Variants in IDH2 observed in about 807,000 individuals in gnomAD.
IDH2 encodes isocitrate dehydrogenase [NADP], mitochondrial.
Under a neutral mutation model 50.5 loss-of-function variants are expected in IDH2, and 18 were observed. The observed-to-expected ratio is 0.36, with a 90% CI of 0.25 to 0.53. The LOEUF (loss-of-function observed/expected upper bound fraction) is 0.53. Among genes scored for constraint, IDH2 ranks in the 20% least tolerant of loss-of-function variants. The pLI is 0.92. For missense variants in IDH2, 518 were observed against 610.7 expected (o/e 0.85, Z 1.60); for synonymous variants, 280 against 239.8 (o/e 1.17, Z -1.55).
At chr15:90,091,697 C>T (rs1481784970) in intron 1 of IDH2, 53 bp from the exon 2 acceptor site, 3 of 1,457,376 alleles carry the variant, frequency 2.1e-6, no homozygotes, top group African/African-American at 1.4e-5. Flanking sequence ...TGGAGGGGGG[C>T]CCTCTCCTCC....
In IDH2 at chr15:90,098,547, T is replaced by C. The variant is rs74550461; in HGVS notation, c.115+3729A>G. Reference sequence around the variant, plus strand: ...GTATGCATGCATGTATGTATGTATGTATGTATGTATGTATTGAGACAGAGT... The same window carrying C: ...GTATGCATGCATGTATGTATGTATGCATGTATGTATGTATTGAGACAGAGT... On this transcript the variant is annotated intron_variant, in intron 1 of 10. Coordinates refer to ENST00000330062, the MANE Select transcript of IDH2 (RefSeq NM_002168.4). The surrounding 1 kb of genome is among the most constrained non-coding windows in gnomAD (Gnocchi z 5.1). 3.9e-5 allele frequency among the ~76,000 whole-genome samples: 1 copy of C among 25,516 alleles called. No homozygotes were observed. The highest frequency in any genetic ancestry group is 5.9e-4 in the Admixed American group (1 of 1,694). The allele number at this position is 25,516 out of a possible 152,430, so 16.7% of individuals were successfully genotyped here. A position where few individuals can be genotyped will look rare whatever the true frequency, so the allele number is the denominator to read the frequency against.
intron 2 of IDH2, 65 bp from the exon 3 acceptor site, chr15:90,090,709 G>A: frequency 6.5e-7 from 1 of 1,547,882 alleles, no homozygotes; most frequent in Non-Finnish European, 8.9e-7. Context: ...ACAAAGGGCA[G>A]GATAAGAAGT....
rs1201298973 is a variant in IDH2 at position 90,083,081 on chromosome 15, T to C, written c.*1185A>G. ...TGTAGCTTTAGAGCAACTTTTATTT[T>C]TCCTTTTTACATGGGGCTAAAAAAC... On this transcript the variant is annotated 3_prime_UTR_variant, in exon 11 of 11. Coordinates refer to ENST00000330062, the MANE Select transcript of IDH2 (RefSeq NM_002168.4). 6.6e-6 allele frequency: 1 copy of C among 152,026 alleles called. No homozygotes were observed. The highest frequency in any genetic ancestry group is 1.5e-5 in the Non-Finnish European group (1 of 68,078). The allele number at this position is 152,026 out of a possible 1,614,324, so 9.4% of individuals were successfully genotyped here.
Position 90,100,689 on chromosome 15 carries a change from T to C in IDH2, c.115+1587A>G, listed in dbSNP as rs1292456169. 2.0e-6 allele frequency: 2 copies of C among 979,672 alleles called. No individual in the cohort carries two copies. The highest frequency in any genetic ancestry group is 1.1e-4 in the East Asian group (1 of 8,802). 60.7% of individuals were successfully genotyped at this position (979,672 alleles called of 1,614,324 possible). ...GGGCTCTTTTAGCCCCAAAATATTC[T>C]TTCCTTGTCATCAAGGGGAATGCCA... On this transcript the variant is annotated intron_variant, in intron 1 of 10. Coordinates refer to ENST00000330062, the MANE Select transcript of IDH2 (RefSeq NM_002168.4). The surrounding 1 kb of genome is among the most constrained non-coding windows in gnomAD (Gnocchi z 4.1).
chr15:90,087,501 C>T lies in IDH2; in HGVS notation c.753G>A (p.Lys251=), dbSNP rs1458791406. Residue 251 remains lysine (K), a synonymous_variant, in exon 6 of 11, where the codon AAG becomes AAA. Transcript: ENST00000330062. ...QKKWPLYMST[K]NTILKAYDGR... ...CATCGTAGGCTTTCAGTATGGTGTT[C>T]TTGGTGCTCATGTACAGCGGCCATT... The T allele has an allele frequency of 6.8e-6, 11 of 1,614,196 alleles. 1 individual carries two copies. The Admixed American group carries it at 1.8e-4, about 27-fold the overall frequency.
At chr15:90,093,620 T>G (rs1901105751) in intron 1 of IDH2, among the ~76,000 whole-genome samples, 1 of 151,862 alleles carries the variant, frequency 6.6e-6, no homozygotes, top group African/African-American at 2.4e-5. Context: ...ATTTATTTAT[T>G]TATTTATTTA....
rs1032309099 is a variant in IDH2 at position 90,098,901 on chromosome 15, C to T, written c.115+3375G>A. On this transcript the variant is annotated intron_variant, in intron 1 of 10. Coordinates refer to ENST00000330062, the MANE Select transcript of IDH2 (RefSeq NM_002168.4). This position sits in a 1 kb window ranked among gnomAD's most constrained non-coding sequence, Gnocchi z 5.1. ...ATCCTTCATTCCTTCCCTTCTCTCA[C>T]ATCCAAACCACCAAAACCAGAAGCC... Among the ~76,000 whole-genome samples the T allele has an allele frequency of 3.3e-5, 5 of 152,158 alleles. No homozygotes were observed. Among genetic ancestry groups the T allele is most frequent in the African/African-American group, 1.2e-4 (5 of 41,428 alleles).
rs1417575648 is a variant in IDH2, at chr15:90,084,261, T to TC, written c.*4dup. 6 of 1,612,634 alleles carry TC rather than the reference T, an allele frequency of 3.7e-6. No individual in the cohort carries two copies. Among genetic ancestry groups the TC allele is most frequent in the African/African-American group, 1.3e-5 (1 of 74,866 alleles). On this transcript the variant is annotated 3_prime_UTR_variant, in exon 11 of 11. Transcript: ENST00000330062. This position sits in a 1 kb window ranked among gnomAD's most constrained non-coding sequence, Gnocchi z 5.0. The stretch of plus-strand genomic sequence containing the variant: ...CTCCACTGCAGCCATGGGTGGCGCC[T>TC]CCCCCTACTGCCTGCCCAGGGCTCT...
At chr15:90,087,852 C>A (rs1456349377) in intron 5 of IDH2, among the ~76,000 whole-genome samples, 1 of 136,238 alleles carries the variant, frequency 7.3e-6, no homozygotes, top group African/African-American at 3.5e-5. Flanking sequence ...GAAAGCACCG[C>A]CTTAGACTAC....
In IDH2 at chr15:90,087,806, C is replaced by CTTTTTT. The variant is rs769048437; in HGVS notation, c.679-237_679-232dup. Reference sequence around the variant, plus strand: ...TTTTTTTTTTTTTGGAAAACACCGCCTTTTTTTTTTTTTTTTTGGAAACAA... The same window carrying CTTTTTT: ...TTTTTTTTTTTTTGGAAAACACCGCCTTTTTTTTTTTTTTTTTTTTTTTGGAAACAA... On this transcript the variant is annotated intron_variant, in intron 5 of 10. Coordinates refer to ENST00000330062, the MANE Select transcript of IDH2 (RefSeq NM_002168.4). Among the ~76,000 whole-genome samples the CTTTTTT allele has an allele frequency of 1.7e-4, 20 of 119,354 alleles. 1 individual carries two copies. In the South Asian group the frequency reaches 5.3e-3, roughly 32 times the overall value. The allele number at this position is 119,354 out of a possible 152,430, so 78.3% of individuals were successfully genotyped here.
At chr15:90,091,339 G>A (rs556265133) in intron 2 of IDH2, among the ~76,000 whole-genome samples, 36 of 152,312 alleles carry the variant, frequency 2.4e-4, no homozygotes, top group Admixed American at 1.6e-3. Context: ...ATCACAACAC[G>A]GACTGCTGGG....
At chr15:90,096,493 G>A (rs4932281) in intron 1 of IDH2, among the ~76,000 whole-genome samples, 108,002 of 151,574 alleles carry the variant, frequency 0.71, 38,860 homozygotes, top group East Asian at 0.83. Flanking sequence ...ATCAGGAAAA[G>A]AAAAACAAAA....
chr15:90,092,855 A>C (rs1048828092), intron 1 of IDH2, among the ~76,000 whole-genome samples: 2 of 152,214 alleles, frequency 1.3e-5, no homozygotes, highest in African/African-American at 4.8e-5. Context: ...CTGGGATTAC[A>C]GGCGTGAGCC....
At position 90,098,484 on chromosome 15, in the gene IDH2, A is replaced by G. The variant is rs931109469; in HGVS notation, c.115+3792T>C. Reference sequence around the variant, plus strand: ...ATTCCTGGGGGCTCAAGAAGGCAGGACAGCAACTTTGTATATTTTATGTAT... The same window carrying G: ...ATTCCTGGGGGCTCAAGAAGGCAGGGCAGCAACTTTGTATATTTTATGTAT... On this transcript the variant is annotated intron_variant, in intron 1 of 10. Transcript: ENST00000330062. This position sits in a 1 kb window ranked among gnomAD's most constrained non-coding sequence, Gnocchi z 5.1. Among the ~76,000 whole-genome samples, 1 of 152,210 alleles carries G rather than the reference A, an allele frequency of 6.6e-6. No individual in the cohort carries two copies. The highest frequency in any genetic ancestry group is 2.4e-5 in the African/African-American group (1 of 41,442).
chr15:90,087,156 C>A lies in IDH2; in HGVS notation c.923G>T (p.Cys308Phe), dbSNP rs1344620365. 2 of 1,614,208 alleles carry A rather than the reference C, an allele frequency of 1.2e-6. No individual in the cohort carries two copies. ...LKSSGGFVWA[C>F]KNYDGDVQSD... ...CTGCACATCTCCGTCATAGTTCTTG[C>A]AGGCCCACACAAAGCCACCCGAAGA... Residue 308 changes from cysteine (C) to phenylalanine (F), a missense_variant, in exon 7 of 11, where the codon TGC becomes TTC. Cys to Phe is a radical substitution (Grantham distance 205). Transcript: ENST00000330062.
chr15:90,084,035 A>G lies in IDH2; in HGVS notation c.*231T>C. ...GCACCATGTGTTCCAAGGGCAATAT[A>G]AATTACAGTATGCAAAACATACTGA... On this transcript the variant is annotated 3_prime_UTR_variant, in exon 11 of 11. Coordinates refer to ENST00000330062, the MANE Select transcript of IDH2 (RefSeq NM_002168.4). This position sits in a 1 kb window ranked among gnomAD's most constrained non-coding sequence, Gnocchi z 5.0. The G allele has an allele frequency of 1.7e-6, 1 of 584,266 alleles. No homozygotes were observed. The highest frequency in any genetic ancestry group is 3.1e-6 in the Non-Finnish European group (1 of 325,742). The allele number at this position is 584,266 out of a possible 1,614,324, so 36.2% of individuals were successfully genotyped here.
chr15:90,088,445 G>T lies in IDH2; in HGVS notation c.592C>A (p.Pro198Thr). ...RAGTFKMVFT[P>T]KDGSGVKEWE... ...TCCTTGACACCACTGCCATCTTTTG[G>T]GGTGAAGACCATTTTGAAAGTGCCG... The change falls in exon 5 of 11, where the codon CCA becomes ACA. Residue 198 changes from proline to threonine, a missense_variant. Physicochemically the swap from Pro to Thr is conservative, Grantham distance 38. Coordinates refer to ENST00000330062, the MANE Select transcript of IDH2 (RefSeq NM_002168.4). 6.2e-7 allele frequency: 1 copy of T among 1,614,186 alleles called. No individual in the cohort carries two copies. Among genetic ancestry groups the T allele is most frequent in the Non-Finnish European group, 8.5e-7 (1 of 1,180,034 alleles).
chr15:90,087,067 G>A (rs1257523058), intron 7 of IDH2, 45 bp downstream of exon 7: 16 of 1,606,618 alleles, frequency 1.0e-5, no homozygotes, highest in African/African-American at 6.7e-5. Context: ...AGCCAGAGAA[G>A]ACCAACAGTC....
intron 1 of IDH2, 111 bp from the exon 2 acceptor site, chr15:90,091,755 T>G: frequency 1.1e-6 from 1 of 882,102 alleles, no homozygotes; most frequent in Non-Finnish European, 1.9e-6. Context: ...AAGCCAGGGC[T>G]CCAGCTGCCC....
Sources: gnomAD v4.1 joint callset for allele counts (sites outside exome capture counted in the v4.1 genomes callset) on GRCh38, gnomAD v4.1.1 for gene constraint, Gnocchi (gnomAD v3.1) non-coding constraint, MANE v1.5 for transcripts, NCBI Gene and HGNC (gene_info 2026-07-23, HGNC 2026-07-21) for gene names.